The following HMCN1 variants were observed in gnomAD, a reference collection of about 807,000 sequenced individuals.
The protein encoded by HMCN1 is hemicentin-1.
HMCN1 carries 321 observed loss-of-function variants against 625.9 expected under a neutral mutation model. The ratio of observed to expected loss-of-function variants is 0.51; its 90% CI spans 0.47 to 0.56. HMCN1 has a LOEUF of 0.56. Ranked by LOEUF, HMCN1 falls within the 20% of genes least tolerant of loss-of-function variation. The pLI, the probability that HMCN1 is intolerant of heterozygous loss-of-function variation, is 0.00. For synonymous variants in HMCN1, 2,425 were observed against 2,417.6 expected (o/e 1.00, Z -0.09); for missense variants, 6,588 against 6,887.3 (o/e 0.96, Z 1.54).
At chr1:185,784,011 C>G (rs1234004413) in intron 1 of HMCN1, among the ~76,000 whole-genome samples, 1 of 152,262 alleles carries the variant, frequency 6.6e-6, no homozygotes, top group Non-Finnish European at 1.5e-5. Flanking sequence ...CCAGTTCGAG[C>G]TTCCAGTCTG....
intron 6 of HMCN1, among the ~76,000 whole-genome samples, chr1:185,916,495 T>C (rs1666711176): frequency 6.6e-6 from 1 of 152,314 alleles, no homozygotes; most frequent in South Asian, 2.1e-4. Flanking sequence ...ACTAAAAATG[T>C]TGACGCATGA....
At chr1:186,129,666 G>A (rs1443310272) in intron 83 of HMCN1, among the ~76,000 whole-genome samples, 7 of 148,696 alleles carry the variant, frequency 4.7e-5, no homozygotes. Flanking sequence ...CAGACTACGA[G>A]CCAGCTTTAA....
intron 1 of HMCN1, among the ~76,000 whole-genome samples, chr1:185,800,040 T>C (rs1658685131): frequency 6.6e-6 from 1 of 152,106 alleles, no homozygotes; most frequent in African/African-American, 2.4e-5. Flanking sequence ...ACTGGGGCAA[T>C]GTTCTAGTGT....
chr1:185,927,731 A>G (rs188058707), intron 9 of HMCN1, among the ~76,000 whole-genome samples: 1 of 152,160 alleles, frequency 6.6e-6, no homozygotes, highest in African/African-American at 2.4e-5. Context: ...CTATATCTTG[A>G]TTTTTTTAAG....
At chr1:185,888,626 C>A (rs948852604) in intron 4 of HMCN1, among the ~76,000 whole-genome samples, 11 of 146,794 alleles carry the variant, frequency 7.5e-5, no homozygotes, top group South Asian at 2.1e-4. Flanking sequence ...TGTAGATATG[C>A]GGCGTTATTT....
At position 186,093,250 on chromosome 1, in the gene HMCN1, A is replaced by G; in HGVS notation, c.10004A>G (p.Asn3335Ser). ...GAAGAAGACCGAATTTTTAACTTGA[A>G]TGTCTATGGTAAATATGAAATATCC... is the stretch of plus-strand genomic sequence containing the variant. ...AGEEDRIFNL[N>S]VYVTPTIRGN... The change falls in exon 65 of 107, where the codon AAT becomes AGT. Residue 3335 changes from asparagine to serine, a missense_variant. Asn to Ser is a conservative substitution (Grantham distance 46, BLOSUM62 1). Coordinates refer to ENST00000271588, the MANE Select transcript of HMCN1 (RefSeq NM_031935.3). 6.2e-7 allele frequency: 1 copy of G among 1,613,312 alleles called. No homozygotes were observed. Among genetic ancestry groups the G allele is most frequent in the Non-Finnish European group, 8.5e-7 (1 of 1,179,530 alleles).
At chr1:186,114,179 T>C (rs1661019751) in intron 73 of HMCN1, 56 bp downstream of exon 73, 13 of 1,583,758 alleles carry the variant, frequency 8.2e-6, no homozygotes, top group Admixed American at 1.7e-5. Flanking sequence ...AAATTCTTAA[T>C]TTTTTTTCCT....
intron 2 of HMCN1, among the ~76,000 whole-genome samples, chr1:185,847,937 G>A (rs1661934306): frequency 6.6e-6 from 1 of 151,648 alleles, no homozygotes; most frequent in Non-Finnish European, 1.5e-5. Flanking sequence ...TGGGTGACAG[G>A]ATGAGACCCT....
intron 6 of HMCN1, among the ~76,000 whole-genome samples, chr1:185,920,232 T>C (rs543975194): frequency 6.6e-5 from 10 of 152,276 alleles, no homozygotes; most frequent in African/African-American, 2.4e-4. Flanking sequence ...CTCATTTTTT[T>C]TCTTTTTATT....
intron 80 of HMCN1, among the ~76,000 whole-genome samples, chr1:186,122,309 T>C (rs1661432962): frequency 1.3e-5 from 2 of 152,180 alleles, no homozygotes; most frequent in South Asian, 4.1e-4. Context: ...CTTTTTATAG[T>C]GATGCGTTAC....
chr1:186,077,236 A>T (rs1042326616), intron 54 of HMCN1, among the ~76,000 whole-genome samples: 2 of 152,170 alleles, frequency 1.3e-5, no homozygotes, highest in Non-Finnish European at 2.9e-5. Flanking sequence ...TCCTGAAAAT[A>T]AAAATGAAAA....
At chr1:186,069,526 TA>T in intron 50 of HMCN1, 136 bp from the exon 51 acceptor site, 2 of 700,668 alleles carry the variant, frequency 2.9e-6, no homozygotes, top group South Asian at 3.0e-5. Context: ...CAGTTTATCT[TA>T]TATCATATGT....
chr1:185,870,684 A>G (rs1053220677), intron 4 of HMCN1, among the ~76,000 whole-genome samples: 1 of 152,218 alleles, frequency 6.6e-6, no homozygotes, highest in Non-Finnish European at 1.5e-5. Context: ...CCTCTCAAGC[A>G]TGTATCTTTG....
chr1:186,098,515 G>T (rs1558222090), intron 68 of HMCN1, among the ~76,000 whole-genome samples: 1 of 152,048 alleles, frequency 6.6e-6, no homozygotes, highest in Non-Finnish European at 1.5e-5. Context: ...GTGAGGATGG[G>T]TATGACCAAA....
chr1:186,158,647 T>C (rs1219538555), intron 97 of HMCN1, among the ~76,000 whole-genome samples: 4 of 152,182 alleles, frequency 2.6e-5, no homozygotes, highest in Non-Finnish European at 5.9e-5. Context: ...TTCAGCTTTC[T>C]ACATATGGCT....
rs756768991 is a variant in HMCN1 at position 186,144,153 on chromosome 1, G to C, written c.13925-20G>C. ...AAACACGGTTCTGTGACTTGCAACT[G>C]TCTTTTGGGGTGTTTGCAGTTCATG... On this transcript the variant is annotated intron_variant, in intron 89 of 106. Transcript: ENST00000271588. 8.3e-6 allele frequency: 13 copies of C among 1,566,872 alleles called. No homozygotes were observed. Among genetic ancestry groups the C allele is most frequent in the Non-Finnish European group, 1.0e-5 (12 of 1,160,222 alleles).
intron 11 of HMCN1, among the ~76,000 whole-genome samples, chr1:185,962,006 G>A (rs1274924218): frequency 1.3e-5 from 2 of 152,144 alleles, no homozygotes; most frequent in Non-Finnish European, 2.9e-5. Flanking sequence ...GTTAAATGCT[G>A]TAGAATATAA....
intron 11 of HMCN1, among the ~76,000 whole-genome samples, chr1:185,950,308 C>A (rs1189223656): frequency 5.3e-5 from 8 of 151,726 alleles, no homozygotes; most frequent in African/African-American, 1.2e-4. Flanking sequence ...GTTATGAGAA[C>A]TGTAGAGAGT....
intron 1 of HMCN1, among the ~76,000 whole-genome samples, chr1:185,756,785 G>A (rs1044147513): frequency 6.6e-6 from 1 of 151,832 alleles, no homozygotes; most frequent in African/African-American, 2.4e-5. Context: ...ACTTTAAAAT[G>A]CACTTGGAAG....
Sources: allele counts gnomAD v4.1 joint callset (sites outside exome capture counted in the v4.1 genomes callset), GRCh38; gene constraint gnomAD v4.1.1; transcripts MANE v1.5; gene names NCBI Gene and HGNC (gene_info 2026-07-23, HGNC 2026-07-21).